Variants in SOX5 observed in about 807,000 individuals in gnomAD.
SOX5 encodes transcription factor SOX-5.
SOX5 carries 9 observed loss-of-function variants against 92.0 expected under a neutral mutation model. The observed-to-expected ratio is 0.10, with a 90% confidence interval of 0.06 to 0.17. SOX5 has a LOEUF of 0.17. SOX5 is among the 10% of genes least tolerant of loss of function. SOX5 has a pLI of 1.00. For missense variants in SOX5, 642 were observed against 944.5 expected, an observed-to-expected ratio of 0.68 and a Z score of 4.20; for synonymous variants, 344 against 336.3, an observed-to-expected ratio of 1.02 and a Z score of -0.25.
intron 1 of SOX5, among the ~76,000 whole-genome samples, chr12:24,471,514 A>G (rs963600647): frequency 6.6e-6 from 1 of 152,210 alleles, no homozygotes; most frequent in African/African-American, 2.4e-5. Context: ...AAGATGTATG[A>G]GATTAAGTTA....
intron 1 of SOX5, among the ~76,000 whole-genome samples, chr12:24,524,339 C>CTAT (rs1365707464): frequency 1.4e-5 from 2 of 139,468 alleles, no homozygotes; most frequent in African/African-American, 5.2e-5. Context: ...AAATCCCCTC[C>CTAT]CATCTATCTA....
At chr12:23,773,412 C>G (rs1318197894) in intron 3 of SOX5, among the ~76,000 whole-genome samples, 3 of 152,170 alleles carry the variant, frequency 2.0e-5, no homozygotes, top group South Asian at 2.1e-4. Flanking sequence ...CACTCTGTCA[C>G]CCAGGCTGGA....
rs567046487 is a variant in SOX5 at position 23,756,259 on chromosome 12, G to A, written c.482-535C>T. 5.3e-5 allele frequency among the ~76,000 whole-genome samples: 8 copies of A among 151,714 alleles called. No individual in the cohort carries two copies. In the South Asian group the frequency reaches 1.5e-3, roughly 28 times the overall value. ...ATAAAAAAAAACAAAAAAAAAATTGGTATAAAAGAAGCCTTAAAAAGATTG... is the reference window on the plus strand; with the variant it reads ...ATAAAAAAAAACAAAAAAAAAATTGATATAAAAGAAGCCTTAAAAAGATTG... On this transcript the variant is annotated intron_variant, in intron 3 of 14. Coordinates refer to ENST00000451604, the MANE Select transcript of SOX5 (RefSeq NM_006940.6).
chr12:23,908,748 C>T (rs1408232121), intron 1 of SOX5, among the ~76,000 whole-genome samples: 1 of 151,936 alleles, frequency 6.6e-6, no homozygotes, highest in Non-Finnish European at 1.5e-5. Flanking sequence ...TCTATCAACC[C>T]AAACTCCAAA....
At chr12:24,059,244 T>C (rs1484822381) in intron 4 of SOX5, among the ~76,000 whole-genome samples, 3 of 152,300 alleles carry the variant, frequency 2.0e-5, no homozygotes, top group East Asian at 3.9e-4. Context: ...CACTCCTGTG[T>C]TTTTGATAGA....
At chr12:24,046,672 CTT>C (rs61416662) in intron 4 of SOX5, among the ~76,000 whole-genome samples, 16 of 126,736 alleles carry the variant, frequency 1.3e-4, no homozygotes, top group African/African-American at 3.2e-4. Flanking sequence ...TAAAATGTGT[CTT>C]TTTTTTTTTT....
At chr12:24,389,206 G>A (rs1464614436) in intron 1 of SOX5, among the ~76,000 whole-genome samples, 1 of 151,864 alleles carries the variant, frequency 6.6e-6, no homozygotes. Context: ...AATATGCGGT[G>A]TTTGGTTTTT....
chr12:24,434,469 G>A (rs1349138320), intron 1 of SOX5, among the ~76,000 whole-genome samples: 1 of 152,100 alleles, frequency 6.6e-6, no homozygotes, highest in Admixed American at 6.6e-5. Context: ...TCATGAGAAA[G>A]GACCCCTCCC....
Position 24,554,585 on chromosome 12 carries a change from C to A in SOX5, c.-251+7744G>T, listed in dbSNP as rs368257831. Among the ~76,000 whole-genome samples, 764 of 152,226 alleles carry A rather than the reference C, an allele frequency of 5.0e-3. 15 individuals carry two copies. The highest frequency in any genetic ancestry group is 0.047 in the South Asian group (227 of 4,816). The stretch of plus-strand genomic sequence containing the variant: ...TCCTCCTTGGATTCCAAAGTTGTCC[C>A]AGTGCCAGTTTCCCACAGTACAACA... On this transcript the variant is annotated intron_variant, in intron 1 of 4. Transcript: ENST00000446891.
At chr12:23,841,543 C>G in intron 3 of SOX5, among the ~76,000 whole-genome samples, 1 of 151,956 alleles carries the variant, frequency 6.6e-6, no homozygotes, top group East Asian at 1.9e-4. Flanking sequence ...TGGAAGCAAC[C>G]AATATGTGCT....
At chr12:23,735,307 T>A (rs537421155) in intron 5 of SOX5, among the ~76,000 whole-genome samples, 10 of 152,160 alleles carry the variant, frequency 6.6e-5, no homozygotes, top group Non-Finnish European at 1.5e-4. Context: ...CCAAAATGAT[T>A]CTTAAGAAGG....
At chr12:24,174,165 T>C (rs551573601) in intron 4 of SOX5, among the ~76,000 whole-genome samples, 1 of 152,192 alleles carries the variant, frequency 6.6e-6, no homozygotes, top group East Asian at 1.9e-4. Flanking sequence ...ACCTGGTTAA[T>C]TTTTGTATTT....
chr12:24,373,631 T>C (rs903996783), intron 1 of SOX5, among the ~76,000 whole-genome samples: 1 of 152,232 alleles, frequency 6.6e-6, no homozygotes, highest in Non-Finnish European at 1.5e-5. Flanking sequence ...TTTTGATATA[T>C]GCATATGGGT....
chr12:23,818,998 G>T (rs1010516651), intron 3 of SOX5, among the ~76,000 whole-genome samples: 1 of 151,990 alleles, frequency 6.6e-6, no homozygotes. Context: ...ATATGCCTGA[G>T]GTTGTTTTAC....
At chr12:23,787,286 C>T (rs1444894005) in intron 3 of SOX5, among the ~76,000 whole-genome samples, 1 of 151,914 alleles carries the variant, frequency 6.6e-6, no homozygotes, top group Non-Finnish European at 1.5e-5. Context: ...TTTAAATACA[C>T]CAATCGGAAG....
intron 3 of SOX5, among the ~76,000 whole-genome samples, chr12:23,828,874 G>GGGGT (rs1454202206): frequency 2.0e-5 from 3 of 152,126 alleles, no homozygotes; most frequent in African/African-American, 7.2e-5. Context: ...TTATCAACAT[G>GGGGT]TAAGATGGGC....
At chr12:24,458,662 A>G (rs1205868703) in intron 1 of SOX5, among the ~76,000 whole-genome samples, 2 of 152,232 alleles carry the variant, frequency 1.3e-5, no homozygotes, top group Non-Finnish European at 2.9e-5. Context: ...GGAACCAGCA[A>G]CATCAGCCTC....
At chr12:23,816,624 G>A (rs2096000616) in intron 3 of SOX5, among the ~76,000 whole-genome samples, 1 of 152,116 alleles carries the variant, frequency 6.6e-6, no homozygotes, top group Admixed American at 6.5e-5. Context: ...TGAGGTAAAG[G>A]CATTGCAACC....
intron 6 of SOX5, among the ~76,000 whole-genome samples, chr12:23,691,250 C>T (rs1246972031): frequency 6.6e-6 from 1 of 152,090 alleles, no homozygotes; most frequent in African/African-American, 2.4e-5. Context: ...CACAAGATTC[C>T]TAAATTATTT....
Sources: allele counts gnomAD v4.1 joint callset (sites outside exome capture counted in the v4.1 genomes callset), GRCh38; gene constraint gnomAD v4.1.1; transcripts MANE v1.5; gene names NCBI Gene and HGNC (gene_info 2026-07-23, HGNC 2026-07-21).